The following PPP2R2C variants were observed in gnomAD, a reference collection of about 807,000 sequenced individuals.
The protein encoded by PPP2R2C is protein phosphatase 2 regulatory subunit Bgamma, also known as protein phosphatase 2, regulatory subunit B, gamma.
PPP2R2C carries 10 observed loss-of-function variants against 45.3 expected under a neutral mutation model. The observed-to-expected ratio is 0.22, with a 90% CI of 0.14 to 0.37. The LOEUF is 0.37. Ranked by LOEUF, PPP2R2C falls within the 10% of genes least tolerant of loss-of-function variation. The probability of loss-of-function intolerance (pLI) is 1.00; values close to 1 mark genes in which losing one functional copy is unlikely to be tolerated. For missense variants in PPP2R2C, 308 were observed against 619.7 expected, an observed-to-expected ratio of 0.50 and a Z score of 5.34; for synonymous variants, 257 against 245.4, an observed-to-expected ratio of 1.05 and a Z score of -0.44.
chr4:6,411,453 T>C (rs1056000114), intron 1 of PPP2R2C, among the ~76,000 whole-genome samples: 1 of 152,182 alleles, frequency 6.6e-6, no homozygotes, highest in African/African-American at 2.4e-5. Flanking sequence ...AGGAAGCCCC[T>C]GCTCCGTGCT....
chr4:6,383,496 G>A, intron 1 of PPP2R2C: 2 of 1,161,230 alleles, frequency 1.7e-6, no homozygotes, highest in Non-Finnish European at 2.3e-6. Flanking sequence ...CTGGCCACCT[G>A]CTGTCCCAAG....
intron 1 of PPP2R2C, among the ~76,000 whole-genome samples, chr4:6,394,646 G>A (rs372750312): frequency 1.3e-5 from 2 of 149,738 alleles, no homozygotes; most frequent in African/African-American, 4.8e-5. Flanking sequence ...TCCCAGGATG[G>A]GGGGCATGGA....
intron 6 of PPP2R2C, among the ~76,000 whole-genome samples, chr4:6,346,458 A>C (rs1026280831): frequency 6.6e-6 from 1 of 151,930 alleles, no homozygotes; most frequent in Non-Finnish European, 1.5e-5. Flanking sequence ...CCTGTACCTG[A>C]CTTTGTGGGT....
chr4:6,558,607 T>C (rs1273438859), intron 1 of PPP2R2C, among the ~76,000 whole-genome samples: 1 of 152,232 alleles, frequency 6.6e-6, no homozygotes. Flanking sequence ...TTCAGATTCT[T>C]GCCGCAGAAA....
chr4:6,420,804 T>C (rs1718909949), intron 1 of PPP2R2C: 1 of 435,200 alleles, frequency 2.3e-6, no homozygotes, highest in Non-Finnish European at 3.1e-6. Context: ...ACGGCACAGA[T>C]AAGTATTTGA....
intron 1 of PPP2R2C, among the ~76,000 whole-genome samples, chr4:6,546,725 A>C (rs1000871382): frequency 6.6e-6 from 1 of 152,260 alleles, no homozygotes; most frequent in African/African-American, 2.4e-5. Flanking sequence ...TGAAGCCCTC[A>C]GGAGCTCCCG....
chr4:6,418,750 AC>A (rs1182928180), intron 1 of PPP2R2C, among the ~76,000 whole-genome samples: 1 of 152,234 alleles, frequency 6.6e-6, no homozygotes, highest in Admixed American at 6.5e-5. Context: ...AGCATAGAGG[AC>A]TTGGGTCTCA....
intron 1 of PPP2R2C, among the ~76,000 whole-genome samples, chr4:6,454,314 C>A (rs1720898475): frequency 6.6e-6 from 1 of 152,172 alleles, no homozygotes; most frequent in Admixed American, 6.5e-5. Context: ...GCCCTTCAAC[C>A]TGGGCCGGCC....
intron 1 of PPP2R2C, among the ~76,000 whole-genome samples, chr4:6,464,307 G>A (rs1721481101): frequency 6.6e-6 from 1 of 152,172 alleles, no homozygotes; most frequent in South Asian, 2.1e-4. Context: ...ATGGTGAGAT[G>A]CCTGTCTTTG....
At chr4:6,515,195 T>C (rs947473942) in intron 2 of PPP2R2C, among the ~76,000 whole-genome samples, 2 of 152,110 alleles carry the variant, frequency 1.3e-5, no homozygotes, top group Non-Finnish European at 2.9e-5. Flanking sequence ...TCAAATCAGC[T>C]CTTAATGGTT....
chr4:6,382,196 C>G, intron 1 of PPP2R2C: 1 of 1,195,632 alleles, frequency 8.4e-7, no homozygotes, highest in Non-Finnish European at 1.1e-6. Flanking sequence ...TTCTAGAATA[C>G]CATCCCCATA....
intron 5 of PPP2R2C, among the ~76,000 whole-genome samples, chr4:6,357,270 T>TGGGA (rs1713292793): frequency 6.6e-6 from 1 of 152,230 alleles, no homozygotes; most frequent in Non-Finnish European, 1.5e-5. Flanking sequence ...GGCTGTCAGG[T>TGGGA]CCCTGGAGGG....
chr4:6,421,090 C>T lies in PPP2R2C; in HGVS notation c.71-39996G>A, dbSNP rs530489635. 413 of 985,290 alleles carry T rather than the reference C, an allele frequency of 4.2e-4. 6 individuals carry two copies. Among genetic ancestry groups the T allele is most frequent in the Admixed American group, 8.6e-4 (14 of 16,276 alleles). The allele number at this position is 985,290 out of a possible 1,614,324, so 61.0% of individuals were successfully genotyped here. ...TGTCCACAGAAGTGGAGAGGCCACACCTTTCTCTCTGTTTCCCCCAAAACA... is the reference window on the plus strand; with the variant it reads ...TGTCCACAGAAGTGGAGAGGCCACATCTTTCTCTCTGTTTCCCCCAAAACA... On this transcript the variant is annotated intron_variant, in intron 1 of 8. Coordinates refer to ENST00000382599, the MANE Select transcript of PPP2R2C (RefSeq NM_020416.4).
intron 5 of PPP2R2C, 115 bp from the exon 6 acceptor site, chr4:6,348,125 G>A (rs567346362): frequency 2.9e-4 from 360 of 1,234,554 alleles, no homozygotes; most frequent in Non-Finnish European, 3.9e-4. Flanking sequence ...CGTCTGAGCT[G>A]CCTCTCTGTT....
Position 6,349,340 on chromosome 4 carries a change from A to C in PPP2R2C, c.626-1330T>G, listed in dbSNP as rs986347183. On this transcript the variant is annotated intron_variant, in intron 5 of 8. Transcript: ENST00000382599. The stretch of plus-strand genomic sequence containing the variant: ...TGTGACCCTGAGTGAGTTCCCAGCT[A>C]TCCATGCCTCAGCTTCCTCATCTGT... 9 of 978,664 alleles carry C rather than the reference A, an allele frequency of 9.2e-6. No individual in the cohort carries two copies. The South Asian group carries it at 3.3e-4, about 36-fold the overall frequency. 60.6% of individuals were successfully genotyped at this position (978,664 alleles called of 1,614,324 possible). A position where few individuals can be genotyped will look rare whatever the true frequency, so the allele number is the denominator to read the frequency against.
chr4:6,550,943 G>A (rs1341588192), intron 1 of PPP2R2C, among the ~76,000 whole-genome samples: 2 of 152,224 alleles, frequency 1.3e-5, no homozygotes, highest in Non-Finnish European at 2.9e-5. Flanking sequence ...ACAGTGCCCA[G>A]CTAGAGCAAC....
At chr4:6,511,466 TG>T in intron 2 of PPP2R2C, among the ~76,000 whole-genome samples, 1 of 136,088 alleles carries the variant, frequency 7.3e-6, no homozygotes, top group African/African-American at 2.8e-5. Flanking sequence ...ATGATGACGG[TG>T]GTGGTGGTGA....
At chr4:6,340,151 G>A (rs985924172) in intron 6 of PPP2R2C, among the ~76,000 whole-genome samples, 3 of 151,788 alleles carry the variant, frequency 2.0e-5, no homozygotes, top group Non-Finnish European at 4.4e-5. Flanking sequence ...CCATGTGATC[G>A]AGCCCCATCA....
chr4:6,495,795 G>C (rs148531764), intron 2 of PPP2R2C, among the ~76,000 whole-genome samples: 1 of 152,198 alleles, frequency 6.6e-6, no homozygotes, highest in African/African-American at 2.4e-5. Context: ...TAACTTTTGC[G>C]TGGTGTATGA....
Sources: gnomAD v4.1 joint callset for allele counts (sites outside exome capture counted in the v4.1 genomes callset) on GRCh38, gnomAD v4.1.1 for gene constraint, MANE v1.5 for transcripts, NCBI Gene and HGNC (gene_info 2026-07-23, HGNC 2026-07-21) for gene names.